Variants in ERLIN2 observed in about 807,000 individuals in gnomAD.
ERLIN2 encodes ER lipid raft associated 2, also known as erlin-2.
In ERLIN2, 22 loss-of-function variants were observed where a neutral mutation model predicts 41.5. The observed-to-expected ratio is 0.53, with a 90% CI of 0.38 to 0.76. ERLIN2 has a LOEUF of 0.76. Among genes scored for constraint, ERLIN2 ranks in the 30% least tolerant of loss-of-function variants. ERLIN2 has a pLI of 0.00. For synonymous variants in ERLIN2, 149 were observed against 150.9 expected (o/e 0.99, Z 0.09); for missense variants, 247 against 414.3 (o/e 0.60, Z 3.51).
At chr8:37,753,853 A>C (rs577513854) in intron 11 of ERLIN2, 62 bp from the exon 12 acceptor site, 30 of 1,303,706 alleles carry the variant, frequency 2.3e-5, no homozygotes, top group Non-Finnish European at 3.2e-5. Flanking sequence ...AAGGGGCACC[A>C]CTCCCCTCCT....
rs533923261 is a variant in ERLIN2, at chr8:37,741,148, A to T, written c.190-624A>T. On this transcript the variant is annotated intron_variant, in intron 3 of 11. Transcript: ENST00000519638. This position sits in a 1 kb window ranked among gnomAD's most constrained non-coding sequence, Gnocchi z 4.8. ...GGGTCTGAGACAGGTTAAATAGGTA[A>T]TCTGCTGTTTCAAAACTAGTACAAC... 6.6e-6 allele frequency among the ~76,000 whole-genome samples: 1 copy of T among 152,288 alleles called. No individual in the cohort carries two copies. Among genetic ancestry groups the T allele is most frequent in the African/African-American group, 2.4e-5 (1 of 41,556 alleles).
chr8:37,757,632 T>C lies in ERLIN2; in HGVS notation c.*3517T>C, dbSNP rs1433990954. 6.6e-6 allele frequency: 1 copy of C among 152,260 alleles called. No individual in the cohort carries two copies. The allele number at this position is 152,260 out of a possible 1,614,324, so 9.4% of individuals were successfully genotyped here. On this transcript the variant is annotated 3_prime_UTR_variant, in exon 12 of 12. Coordinates refer to ENST00000519638, the MANE Select transcript of ERLIN2 (RefSeq NM_007175.8). ...TAACATGTGAATTTATGTCTTAGTTTTATTTGCAGTCTTGCTAAGTAAAAT... is the reference window on the plus strand; with the variant it reads ...TAACATGTGAATTTATGTCTTAGTTCTATTTGCAGTCTTGCTAAGTAAAAT...
chr8:37,751,721 C>A lies in ERLIN2; in HGVS notation c.739+6C>A. 1.2e-6 allele frequency: 2 copies of A among 1,609,784 alleles called. No individual in the cohort carries two copies. The highest frequency in any genetic ancestry group is 1.7e-6 in the Non-Finnish European group (2 of 1,176,344). ...GAAGATTTCAGAAATTGAAGGTAAG[C>A]AGAAGTGGCAGTCATGCCTGAGTCC... On this transcript the variant is annotated splice_donor_region_variant and intron_variant, in intron 10 of 11. Coordinates refer to ENST00000519638, the MANE Select transcript of ERLIN2 (RefSeq NM_007175.8).
intron 6 of ERLIN2, chr8:37,745,832 T>C: frequency 7.4e-7 from 1 of 1,358,840 alleles, no homozygotes; most frequent in Non-Finnish European, 9.5e-7. Context: ...TTGGTAAATT[T>C]GCCGTTGATT....
chr8:37,737,080 C>A, intron 1 of ERLIN2: 1 of 691,912 alleles, frequency 1.4e-6, no homozygotes, highest in African/African-American at 1.9e-5. Flanking sequence ...ACGCCCTGCG[C>A]TCACGGGCCC....
intron 1 of ERLIN2, 45 bp downstream of exon 1, chr8:37,736,723 C>A (rs928557758): frequency 2.6e-5 from 26 of 985,532 alleles, no homozygotes; most frequent in Non-Finnish European, 3.0e-5. Context: ...GCCTAGCTGC[C>A]GCTCAGGGTC....
At position 37,750,336 on chromosome 8, in the gene ERLIN2, G is replaced by A. The variant is rs930899336; in HGVS notation, c.558-59G>A. 9.9e-6 allele frequency: 13 copies of A among 1,319,504 alleles called. No homozygotes were observed. In the Admixed American group the frequency reaches 2.1e-4, roughly 21 times the overall value. The allele number at this position is 1,319,504 out of a possible 1,614,324, so 81.7% of individuals were successfully genotyped here. A position where few individuals can be genotyped will look rare whatever the true frequency, so the allele number is the denominator to read the frequency against. ...TTCAGCAGAAGAATTCGACTTACCT[G>A]GGGATAGTGAAGCTCCTGAGTTTTC... On this transcript the variant is annotated intron_variant, in intron 8 of 11. Transcript: ENST00000519638.
At chr8:37,743,351 CA>C (rs1802921758) in intron 4 of ERLIN2, among the ~76,000 whole-genome samples, 1 of 152,190 alleles carries the variant, frequency 6.6e-6, no homozygotes, top group Non-Finnish European at 1.5e-5. Flanking sequence ...CGGGTAACAG[CA>C]GGGGTAGTTT....
At chr8:37,747,911 A>T (rs1803109819) in intron 6 of ERLIN2, 11 of 1,614,198 alleles carry the variant, frequency 6.8e-6, no homozygotes, top group Non-Finnish European at 8.5e-6. Flanking sequence ...CCGCACAAAC[A>T]GTAGTACACA....
chr8:37,738,834 AT>A (rs1400241890), intron 2 of ERLIN2, among the ~76,000 whole-genome samples: 1 of 152,150 alleles, frequency 6.6e-6, no homozygotes, highest in Non-Finnish European at 1.5e-5. Flanking sequence ...GCAGTGAGCT[AT>A]GATCACACCA....
chr8:37,742,340 T>TAAAAA (rs770233868), intron 4 of ERLIN2, among the ~76,000 whole-genome samples: 1 of 127,360 alleles, frequency 7.9e-6, no homozygotes. Context: ...ACTCCGTCTT[T>TAAAAA]AAAAAAAAAA....
intron 10 of ERLIN2, among the ~76,000 whole-genome samples, chr8:37,752,843 TTCTC>T (rs987889065): frequency 1.3e-5 from 2 of 152,248 alleles, no homozygotes; most frequent in South Asian, 2.1e-4. Flanking sequence ...TGGCGTGTAA[TTCTC>T]TCTCAGAATC....
chr8:37,737,942 T>C lies in ERLIN2; in HGVS notation c.20T>C (p.Val7Ala), dbSNP rs1447353555. ...TCACTGATGGCTCAGTTGGGAGCAG[T>C]TGTGGCTGTGGCTTCCAGTTTCTTT... Reference protein sequence around the residue: MAQLGAVVAVASSFFCA... With the variant: MAQLGAAVAVASSFFCA... The change falls in exon 2 of 12, where the codon GTT (valine) becomes GCT (alanine). Residue 7 changes from valine to alanine, a missense_variant. Coordinates refer to ENST00000519638, the MANE Select transcript of ERLIN2 (RefSeq NM_007175.8). 3 of 1,614,082 alleles carry C rather than the reference T, an allele frequency of 1.9e-6. No homozygotes were observed. The highest frequency in any genetic ancestry group is 2.2e-5 in the East Asian group (1 of 44,902).
intron 10 of ERLIN2, among the ~76,000 whole-genome samples, chr8:37,752,300 T>C (rs570318586): frequency 6.6e-6 from 1 of 152,308 alleles, no homozygotes; most frequent in South Asian, 2.1e-4. Context: ...TGCCCACCTC[T>C]TACTTCTTGG....
At position 37,751,690 on chromosome 8, in the gene ERLIN2, T is replaced by C; in HGVS notation, c.714T>C (p.Thr238=). ...GGCAGAAGGTGATGGAGAAGGAGAC[T>C]GAGAAGAAGATTTCAGAAATTGAAG... ...TYGQKVMEKE[T]EKKISEIEDA... is the part of the protein sequence containing the mutation. The change falls in exon 10 of 12, where the codon ACT becomes ACC. Residue 238 remains threonine, a synonymous_variant. Coordinates refer to ENST00000519638, the MANE Select transcript of ERLIN2 (RefSeq NM_007175.8). 1 of 1,613,910 alleles carries C rather than the reference T, an allele frequency of 6.2e-7. No individual in the cohort carries two copies. The highest frequency in any genetic ancestry group is 1.1e-5 in the South Asian group (1 of 91,078).
At position 37,741,808 on chromosome 8, in the gene ERLIN2, T is replaced by C; in HGVS notation, c.226T>C (p.Cys76Arg). ...GACAGATGAGGTGAAGAATGTACCT[T>C]GTGGGACTAGGTAAGGTACCCAGAA... ...LQTDEVKNVP[C>R]GTSGGVMIYF... The change falls in exon 4 of 12, where the codon TGT (cysteine) becomes CGT (arginine). Residue 76 changes from cysteine to arginine, a missense_variant. Physicochemically the swap from Cys to Arg is radical, Grantham distance 180. This residue lies in a region of ERLIN2 where 93 missense variants were observed against 139.0 expected (regional missense o/e 0.67). Transcript: ENST00000519638. This position sits in a 1 kb window ranked among gnomAD's most constrained non-coding sequence, Gnocchi z 4.8. The C allele has an allele frequency of 6.2e-7, 1 of 1,612,924 alleles. No homozygotes were observed. The highest frequency in any genetic ancestry group is 8.5e-7 in the Non-Finnish European group (1 of 1,178,906).
chr8:37,739,537 G>C (rs1319834335), intron 2 of ERLIN2, among the ~76,000 whole-genome samples: 1 of 150,898 alleles, frequency 6.6e-6, no homozygotes, highest in Non-Finnish European at 1.5e-5. Flanking sequence ...GTGCAGTGGT[G>C]AGATCTTGGT....
intron 10 of ERLIN2, among the ~76,000 whole-genome samples, chr8:37,752,143 G>A (rs1803232822): frequency 6.6e-6 from 1 of 152,142 alleles, no homozygotes; most frequent in African/African-American, 2.4e-5. Flanking sequence ...CTGTTCTCCA[G>A]GTCTATGCAG....
intron 4 of ERLIN2, among the ~76,000 whole-genome samples, chr8:37,742,340 TA>T (rs770233868): frequency 0.045 from 5,701 of 127,242 alleles, 199 homozygotes; most frequent in African/African-American, 0.12. Flanking sequence ...ACTCCGTCTT[TA>T]AAAAAAAAAA....
Sources: gnomAD v4.1 joint callset for allele counts (sites outside exome capture counted in the v4.1 genomes callset) on GRCh38, gnomAD v4.1.1 for gene constraint, gnomAD v4.1.1 regional missense constraint, Gnocchi (gnomAD v3.1) non-coding constraint, MANE v1.5 for transcripts, NCBI Gene and HGNC (gene_info 2026-07-23, HGNC 2026-07-21) for gene names.